C2CD3: variants seen among roughly 807,000 people sequenced by gnomAD.
The protein encoded by C2CD3 is C2 domain containing 3 centriole elongation regulator.
A neutral mutation model predicts 234.0 loss-of-function variants in C2CD3; 148 were observed. The observed-to-expected ratio is 0.63, with a 90% CI of 0.55 to 0.72. The LOEUF (loss-of-function observed/expected upper bound fraction) is 0.72. C2CD3 is among the 30% of genes least tolerant of loss of function. C2CD3 has a pLI of 0.00. For synonymous variants in C2CD3, 1,000 were observed against 1,035.4 expected (o/e 0.97, Z 0.66); for missense variants, 2,577 against 2,811.5 (o/e 0.92, Z 1.89).
At chr11:74,133,601 C>T (rs1270030185) in intron 5 of C2CD3, 44 bp from the exon 6 acceptor site, 2 of 1,604,970 alleles carry the variant, frequency 1.2e-6, no homozygotes, top group African/African-American at 1.3e-5. Context: ...CAAAATGCAG[C>T]AGAAACATTT....
chr11:74,017,009 T>C (rs1166017592), intron 32 of C2CD3, among the ~76,000 whole-genome samples: 1 of 151,876 alleles, frequency 6.6e-6, no homozygotes, highest in African/African-American at 2.4e-5. Flanking sequence ...GAACAGACAA[T>C]GAAGAGAGAG....
intron 28 of C2CD3, among the ~76,000 whole-genome samples, 199 bp from the exon 29 acceptor site, chr11:74,042,417 C>A (rs533940408): frequency 1.3e-5 from 2 of 152,138 alleles, no homozygotes; most frequent in Admixed American, 1.3e-4. Flanking sequence ...TTGCCTACCC[C>A]CTTTTAACTC....
intron 18 of C2CD3, 59 bp downstream of exon 18, chr11:74,093,757 G>A (rs1468881133): frequency 2.2e-6 from 3 of 1,380,590 alleles, no homozygotes; most frequent in Admixed American, 1.9e-5. Context: ...TTAGGAGTAG[G>A]ATGCTTTATG....
intron 28 of C2CD3, among the ~76,000 whole-genome samples, chr11:74,042,573 C>T (rs541777494): frequency 2.0e-5 from 3 of 151,832 alleles, no homozygotes; most frequent in East Asian, 1.9e-4. Context: ...GTCAATATGG[C>T]GAAACCCTGT....
Position 74,103,583 on chromosome 11 carries a change from T to C in C2CD3, c.2128A>G (p.Ile710Val). 1 of 1,613,122 alleles carries C rather than the reference T, an allele frequency of 6.2e-7. No homozygotes were observed. The part of the protein sequence containing the change: ...LITDNKDFTG[I>V]NTKLSGNTHY... ...GTGTTGCCACTTAACTTAGTATTGA[T>C]ACCAGTGAAATCTTTGTTATCTGTA... Residue 710 changes from isoleucine (I) to valine (V), a missense_variant, in exon 14 of 33, where the codon ATC becomes GTC. By Grantham distance (29) the Ile-to-Val change is conservative. Transcript: ENST00000334126.
chr11:74,019,979 C>T (rs1018906102), intron 32 of C2CD3, among the ~76,000 whole-genome samples: 3 of 152,262 alleles, frequency 2.0e-5, no homozygotes, highest in South Asian at 2.1e-4. Flanking sequence ...GTGAGAACAT[C>T]GGGTGGGAGT....
At chr11:74,153,609 T>C (rs1028578307) in intron 3 of C2CD3, among the ~76,000 whole-genome samples, 6 of 152,200 alleles carry the variant, frequency 3.9e-5, no homozygotes, top group African/African-American at 1.4e-4. Flanking sequence ...GCTAAGAACT[T>C]AATTCTCTGA....
At chr11:74,080,110 T>C (rs1955275329) in intron 22 of C2CD3, among the ~76,000 whole-genome samples, 1 of 152,190 alleles carries the variant, frequency 6.6e-6, no homozygotes, top group Non-Finnish European at 1.5e-5. Flanking sequence ...AAAACTTCTA[T>C]TTTCAGGGTC....
chr11:74,088,934 T>G (rs1955768752), intron 20 of C2CD3, among the ~76,000 whole-genome samples: 1 of 152,212 alleles, frequency 6.6e-6, no homozygotes, highest in African/African-American at 2.4e-5. Flanking sequence ...TAAAGAAGGC[T>G]GTATACAACT....
intron 20 of C2CD3, among the ~76,000 whole-genome samples, chr11:74,090,327 G>C (rs57332560): frequency 0.015 from 2,211 of 152,206 alleles, 56 homozygotes; most frequent in African/African-American, 0.051. Flanking sequence ...TCAGGAGTTC[G>C]AGATCAGCCT....
chr11:74,056,207 G>C (rs1953942075), intron 25 of C2CD3, among the ~76,000 whole-genome samples: 1 of 152,182 alleles, frequency 6.6e-6, no homozygotes, highest in Non-Finnish European at 1.5e-5. Context: ...CAGAAGACCA[G>C]ACACCATGGG....
chr11:74,055,659 C>A (rs1224004502), intron 25 of C2CD3, among the ~76,000 whole-genome samples: 12 of 152,342 alleles, frequency 7.9e-5, no homozygotes. Flanking sequence ...TCTGGCCATG[C>A]ACTTAGCTTC....
intron 32 of C2CD3, 45 bp from the exon 33 acceptor site, chr11:74,013,570 C>T (rs1316560073): frequency 1.7e-6 from 2 of 1,165,030 alleles, no homozygotes; most frequent in Non-Finnish European, 2.2e-6. Flanking sequence ...GGATATGGCA[C>T]CACCAATGGA....
chr11:74,063,925 G>A (rs985517337), intron 24 of C2CD3, among the ~76,000 whole-genome samples: 2 of 152,082 alleles, frequency 1.3e-5, no homozygotes, highest in Non-Finnish European at 2.9e-5. Flanking sequence ...TATACTTTAA[G>A]TTTTAGGGTA....
chr11:74,092,613 G>A (rs1032748847), intron 18 of C2CD3, 25 bp from the exon 19 acceptor site: 2 of 1,593,748 alleles, frequency 1.3e-6, no homozygotes, highest in Non-Finnish European at 8.6e-7. Context: ...AGCACACGTT[G>A]TCAGAAGAAT....
At chr11:74,071,294 G>C (rs1040158660) in intron 24 of C2CD3, among the ~76,000 whole-genome samples, 1 of 152,198 alleles carries the variant, frequency 6.6e-6, no homozygotes, top group Non-Finnish European at 1.5e-5. Context: ...GCCAGGTCAA[G>C]GCAAGCATAG....
intron 24 of C2CD3, among the ~76,000 whole-genome samples, chr11:74,058,491 T>C (rs959291276): frequency 1.3e-5 from 2 of 152,286 alleles, no homozygotes; most frequent in Non-Finnish European, 2.9e-5. Flanking sequence ...ATTTCTATCA[T>C]ATAGATTTCT....
intron 8 of C2CD3, among the ~76,000 whole-genome samples, chr11:74,122,663 G>A (rs1442367575): frequency 6.6e-6 from 1 of 152,082 alleles, no homozygotes; most frequent in Non-Finnish European, 1.5e-5. Context: ...TGGTTCTGAG[G>A]GTATAACTAC....
intron 31 of C2CD3, among the ~76,000 whole-genome samples, chr11:74,033,007 T>C (rs2135412353): frequency 2.0e-5 from 3 of 152,340 alleles, no homozygotes; most frequent in Middle Eastern, 6.8e-3. Flanking sequence ...TTCTTTCCTC[T>C]TTCTCTAGAC....
Sources: allele counts gnomAD v4.1 joint callset (sites outside exome capture counted in the v4.1 genomes callset), GRCh38; gene constraint gnomAD v4.1.1; transcripts MANE v1.5; gene names NCBI Gene and HGNC (gene_info 2026-07-23, HGNC 2026-07-21).